PCDHGA1: variants seen among roughly 807,000 people sequenced by gnomAD.
The protein encoded by PCDHGA1 is protocadherin gamma-A1.
In PCDHGA1, 32 loss-of-function variants were observed where a neutral mutation model predicts 58.0. The ratio of observed to expected loss-of-function variants is 0.55; its 90% CI spans 0.42 to 0.74. The LOEUF (loss-of-function observed/expected upper bound fraction) is 0.74, where lower values mean the gene tolerates loss of function less well. Among genes scored for constraint, PCDHGA1 ranks in the 30% least tolerant of loss-of-function variants. The pLI, the probability that PCDHGA1 is intolerant of heterozygous loss-of-function variation, is 0.00. For synonymous variants in PCDHGA1, 498 were observed against 501.1 expected, an observed-to-expected ratio of 0.99 and a Z score of 0.08; for missense variants, 1,205 against 1,182.3, an observed-to-expected ratio of 1.02 and a Z score of -0.28.
At position 141,360,504 on chromosome 5, in the gene PCDHGA1, G is replaced by T. The variant is rs778091119; in HGVS notation, c.2421+27399G>T. 5 of 1,613,814 alleles carry T rather than the reference G, an allele frequency of 3.1e-6. No homozygotes were observed. The African/African-American group carries it at 4.0e-5, about 13-fold the overall frequency. On this transcript the variant is annotated intron_variant, in intron 1 of 3. Transcript: ENST00000517417. The stretch of plus-strand genomic sequence containing the variant: ...ATATTTTCTACATAGCAGTAATTGT[G>T]CAGGATATAAATGATAATACCCCGC...
In PCDHGA1 at chr5:141,487,365, G is replaced by A. The variant is rs1466536791; in HGVS notation, c.2422-7442G>A. On this transcript the variant is annotated intron_variant, in intron 1 of 3. Coordinates refer to ENST00000517417, the MANE Select transcript of PCDHGA1 (RefSeq NM_018912.3). This position sits in a 1 kb window ranked among gnomAD's most constrained non-coding sequence, Gnocchi z 5.0. ...GTCACATGCTTTCCTGCTGGCACCT[G>A]TGCCTGTCTCACCAGATCTCGAAGG... The A allele has an allele frequency of 1.2e-6, 2 of 1,614,068 alleles. No homozygotes were observed. Among genetic ancestry groups the A allele is most frequent in the South Asian group, 1.1e-5 (1 of 91,088 alleles).
rs1227091502 is a variant in PCDHGA1 at position 141,332,622 on chromosome 5, C to A, written c.1938C>A (p.Val646=). The change falls in exon 1 of 4, where the codon GTC becomes GTA. Residue 646 remains valine, a synonymous_variant. Coordinates refer to ENST00000517417, the MANE Select transcript of PCDHGA1 (RefSeq NM_018912.3). This position sits in a 1 kb window ranked among gnomAD's most constrained non-coding sequence, Gnocchi z 4.6. ...DALKQSLVVA[V]QDHGQPPLSA... ...TCAAGCAGAGTCTCGTGGTGGCCGT[C>A]CAGGACCACGGCCAGCCCCCGCTCT... The A allele has an allele frequency of 1.9e-6, 3 of 1,612,808 alleles. No homozygotes were observed. The highest frequency in any genetic ancestry group is 2.2e-5 in the South Asian group (2 of 91,014).
chr5:141,509,477 G>A (rs753058277), intron 3 of PCDHGA1, among the ~76,000 whole-genome samples: 7 of 152,166 alleles, frequency 4.6e-5, no homozygotes, highest in African/African-American at 7.2e-5. Context: ...CAGGTGAGGG[G>A]TAGAGGTGAT....
intron 1 of PCDHGA1, chr5:141,399,413 C>A (rs1456440098): frequency 1.2e-6 from 2 of 1,613,930 alleles, no homozygotes; most frequent in African/African-American, 1.3e-5. Context: ...CCGCCCCTCT[C>A]CTCCAGCATA....
At chr5:141,414,583 G>A (rs570765907) in intron 1 of PCDHGA1, 1 of 1,613,736 alleles carries the variant, frequency 6.2e-7, no homozygotes, top group Non-Finnish European at 8.5e-7. Context: ...AGAGAACAAC[G>A]CCAGGGGTGC....
intron 1 of PCDHGA1, chr5:141,365,455 T>G: frequency 1.2e-6 from 2 of 1,614,042 alleles, no homozygotes; most frequent in Non-Finnish European, 1.7e-6. Context: ...ATGATGGTGA[T>G]TCTGGAGAAA....
rs370237298 is a variant in PCDHGA1 at position 141,487,298 on chromosome 5, G to A, written c.2422-7509G>A. ...TTGCTTTGTCTCCTTTGGCTCATTCGTGGCACTACTCTCTAAGTGTCTTCG... is the reference window on the plus strand; with the variant it reads ...TTGCTTTGTCTCCTTTGGCTCATTCATGGCACTACTCTCTAAGTGTCTTCG... On this transcript the variant is annotated intron_variant, in intron 1 of 3. Coordinates refer to ENST00000517417, the MANE Select transcript of PCDHGA1 (RefSeq NM_018912.3). The surrounding 1 kb of genome is among the most constrained non-coding windows in gnomAD (Gnocchi z 5.0). The A allele has an allele frequency of 3.2e-5, 51 of 1,614,072 alleles. 1 individual carries two copies. Among genetic ancestry groups the A allele is most frequent in the South Asian group, 5.5e-5 (5 of 91,082 alleles).
chr5:141,363,237 C>T (rs1762851401), intron 1 of PCDHGA1, among the ~76,000 whole-genome samples: 1 of 152,240 alleles, frequency 6.6e-6, no homozygotes, highest in African/African-American at 2.4e-5. Flanking sequence ...ATGTTCACAT[C>T]ATTTTCTACA....
intron 1 of PCDHGA1, among the ~76,000 whole-genome samples, chr5:141,473,191 G>C (rs28479996): frequency 6.6e-6 from 1 of 152,134 alleles, no homozygotes; most frequent in South Asian, 2.1e-4. Flanking sequence ...AGGAGTAAAT[G>C]TATCTTCTAA....
intron 1 of PCDHGA1, among the ~76,000 whole-genome samples, chr5:141,437,629 G>A (rs538730617): frequency 6.6e-6 from 1 of 152,284 alleles, no homozygotes; most frequent in Non-Finnish European, 1.5e-5. Flanking sequence ...CATATAAGAT[G>A]TCAGGTTCAG....
intron 1 of PCDHGA1, among the ~76,000 whole-genome samples, chr5:141,437,228 A>C (rs1410620126): frequency 6.6e-6 from 1 of 152,228 alleles, no homozygotes; most frequent in Non-Finnish European, 1.5e-5. Context: ...CCAGTCATAA[A>C]ATTATGTCAA....
intron 2 of PCDHGA1, among the ~76,000 whole-genome samples, chr5:141,500,682 G>A (rs1661676761): frequency 6.6e-6 from 1 of 152,044 alleles, no homozygotes; most frequent in African/African-American, 2.4e-5. Context: ...CAGAATTATA[G>A]CTTTTTTCTT....
chr5:141,356,130 G>A lies in PCDHGA1; in HGVS notation c.2421+23025G>A, dbSNP rs759875517. ...CAATATTGGGGGGTCTAGATTATGA[G>A]GACTCTGGATTCTATGACATAGATG... On this transcript the variant is annotated intron_variant, in intron 1 of 3. Transcript: ENST00000517417. 3.7e-6 allele frequency: 6 copies of A among 1,613,810 alleles called. No homozygotes were observed. The East Asian group carries it at 1.1e-4, about 30-fold the overall frequency.
chr5:141,448,565 AT>A (rs2098595794), intron 1 of PCDHGA1, among the ~76,000 whole-genome samples: 1 of 152,070 alleles, frequency 6.6e-6, no homozygotes, highest in Non-Finnish European at 1.5e-5. Flanking sequence ...ATATATTTTT[AT>A]TTCCCCATTT....
chr5:141,428,488 CTGT>C (rs2097142454), intron 1 of PCDHGA1: 1 of 312,362 alleles, frequency 3.2e-6, no homozygotes. Flanking sequence ...TTCCTGCAAT[CTGT>C]ATGTTCCCTC....
At chr5:141,383,357 CG>C (rs1779064068) in intron 1 of PCDHGA1, 2 of 1,613,956 alleles carry the variant, frequency 1.2e-6, no homozygotes, top group Non-Finnish European at 1.7e-6. Flanking sequence ...GTTCGGTTTC[CG>C]TTAAGCGAGG....
intron 3 of PCDHGA1, 85 bp from the exon 4 acceptor site, chr5:141,510,862 C>A: frequency 6.2e-7 from 1 of 1,606,772 alleles, no homozygotes. Context: ...GCTGTATAGG[C>A]ATTCATTAAC....
At chr5:141,370,834 T>C in intron 1 of PCDHGA1, 1 of 1,614,012 alleles carries the variant, frequency 6.2e-7, no homozygotes. Context: ...GAACTGGCTC[T>C]CACTGGAGCC....
chr5:141,392,758 A>G (rs1589161304), intron 1 of PCDHGA1: 2 of 1,472,462 alleles, frequency 1.4e-6, no homozygotes, highest in Non-Finnish European at 1.8e-6. Context: ...AAGAAACTAA[A>G]TAAGACCCAT....
Sources: gnomAD v4.1 joint callset for allele counts (sites outside exome capture counted in the v4.1 genomes callset) on GRCh38, gnomAD v4.1.1 for gene constraint, Gnocchi (gnomAD v3.1) non-coding constraint, MANE v1.5 for transcripts, NCBI Gene and HGNC (gene_info 2026-07-23, HGNC 2026-07-21) for gene names.